DPYSL4: variants seen among roughly 807,000 people sequenced by gnomAD.
DPYSL4 encodes dihydropyrimidinase like 4.
DPYSL4 carries 43 observed loss-of-function variants against 63.4 expected under a neutral mutation model. The ratio of observed to expected loss-of-function variants is 0.68; its 90% CI spans 0.53 to 0.88. The LOEUF is 0.88. Among genes scored for constraint, DPYSL4 ranks in the 40% least tolerant of loss-of-function variants. The pLI is 0.00. For synonymous variants in DPYSL4, 353 were observed against 331.7 expected (o/e 1.06, Z -0.70); for missense variants, 733 against 819.5 (o/e 0.89, Z 1.29).
intron 11 of DPYSL4, among the ~76,000 whole-genome samples, 177 bp from the exon 12 acceptor site, chr10:132,202,469 A>T (rs529732756): frequency 6.6e-6 from 1 of 152,068 alleles, no homozygotes; most frequent in Non-Finnish European, 1.5e-5. Context: ...CCGTAGGCCG[A>T]GGGGGGGCAT....
intron 4 of DPYSL4, among the ~76,000 whole-genome samples, chr10:132,195,385 A>C (rs768791546): frequency 2.0e-4 from 31 of 152,226 alleles, no homozygotes; most frequent in Non-Finnish European, 1.2e-4. Flanking sequence ...CCAATGCTAA[A>C]ACAGATCAGT....
intron 1 of DPYSL4, among the ~76,000 whole-genome samples, chr10:132,188,687 C>T (rs2061835711): frequency 6.6e-6 from 1 of 152,252 alleles, no homozygotes; most frequent in Non-Finnish European, 1.5e-5. Context: ...CTGTTCCTGT[C>T]TCAGCTGCTT....
rs2061954773 is a variant in DPYSL4 at position 132,197,027 on chromosome 10, G to A, written c.547G>A (p.Glu183Lys). Residue 183 changes from glutamate to lysine, a missense_variant, in exon 6 of 14, where the codon GAG (glutamate) becomes AAG (lysine). Transcript: ENST00000338492. ...CCACCACTTCTCTTCCCAGATGTAC[G>A]AGATCTTCAGCATCATCCGGGACCT... ...RCQCSDSQMYEIFSIIRDLGA... is the reference protein window; with the variant it reads ...RCQCSDSQMYKIFSIIRDLGA... 10 of 1,606,664 alleles carry A rather than the reference G, an allele frequency of 6.2e-6. No individual in the cohort carries two copies. Among genetic ancestry groups the A allele is most frequent in the Non-Finnish European group, 7.7e-6 (9 of 1,176,018 alleles).
chr10:132,202,060 C>T lies in DPYSL4; in HGVS notation c.1225C>T (p.Leu409=), dbSNP rs1250832781. The change falls in exon 11 of 14, where the codon CTG becomes TTG. Residue 409 remains leucine, a synonymous_variant. Transcript: ENST00000338492. ...GRVAVGSDAD[L]VIWNPKATKI... The stretch of plus-strand genomic sequence containing the variant: ...AGTGGCTGTGGGCTCTGACGCTGAC[C>T]TGGTCATATGGAACCCCAAGGCCAC... The T allele has an allele frequency of 2.5e-6, 4 of 1,613,058 alleles. No individual in the cohort carries two copies. The highest frequency in any genetic ancestry group is 2.7e-5 in the African/African-American group (2 of 74,930).
chr10:132,195,859 G>A (rs753611335), intron 4 of DPYSL4, among the ~76,000 whole-genome samples: 5 of 152,330 alleles, frequency 3.3e-5, no homozygotes, highest in South Asian at 2.1e-4. Context: ...GTCTCAGAGC[G>A]GAGGTGGAAG....
Position 132,192,709 on chromosome 10 carries a change from C to T in DPYSL4, c.180C>T (p.Ala60=), listed in dbSNP as rs1245860298. The part of the protein sequence containing the change: ...IVPGGIKTID[A]HGLMVLPGGV... ...CTGGGGGCATCAAGACCATTGACGC[C>T]CACGGCCTGATGGTCCTTCCTGGTG... The change falls in exon 3 of 14, where the codon GCC becomes GCT. Residue 60 remains alanine (A), a synonymous_variant. Coordinates refer to ENST00000338492, the MANE Select transcript of DPYSL4 (RefSeq NM_006426.3). 1 of 1,613,396 alleles carries T rather than the reference C, an allele frequency of 6.2e-7. No individual in the cohort carries two copies. The highest frequency in any genetic ancestry group is 8.5e-7 in the Non-Finnish European group (1 of 1,179,924).
At position 132,200,910 on chromosome 10, in the gene DPYSL4, A is replaced by G. The variant is rs1590103744; in HGVS notation, c.1037A>G (p.Asp346Gly). Residue 346 changes from aspartate to glycine, a missense_variant, in exon 10 of 14, where the codon GAC becomes GGC. By Grantham distance (94) the Asp-to-Gly change is moderately conservative. Coordinates refer to ENST00000338492, the MANE Select transcript of DPYSL4 (RefSeq NM_006426.3). Reference sequence around the variant, plus strand: ...ACTGCCCAGAAGGCTGTGGGCAAGGACAACTTCGCGCTGATCCCCGAGGGC... The same window carrying G: ...ACTGCCCAGAAGGCTGTGGGCAAGGGCAACTTCGCGCTGATCCCCGAGGGC... Reference protein sequence around the residue: ...FTTAQKAVGKDNFALIPEGTN... With the variant: ...FTTAQKAVGKGNFALIPEGTN... 6.2e-7 allele frequency: 1 copy of G among 1,613,256 alleles called. No homozygotes were observed. The highest frequency in any genetic ancestry group is 1.7e-4 in the Middle Eastern group (1 of 6,060).
At chr10:132,188,043 C>T (rs532530184) in intron 1 of DPYSL4, among the ~76,000 whole-genome samples, 20 of 152,268 alleles carry the variant, frequency 1.3e-4, no homozygotes, top group Middle Eastern at 3.4e-3. Flanking sequence ...GGAAGGAGCC[C>T]TCCCCTCTCC....
rs2062060316 is a variant in DPYSL4 at position 132,204,036 on chromosome 10, C to G, written c.1627+109C>G. ...CCAGAGGGGCTGCACACGGAAGGCA[C>G]CCAGCTGGGGACTGGGGCAGGAGAT... On this transcript the variant is annotated intron_variant, in intron 13 of 13. Transcript: ENST00000338492. The G allele has an allele frequency of 2.5e-5, 35 of 1,391,198 alleles. No individual in the cohort carries two copies. In the South Asian group the frequency reaches 4.5e-4, roughly 18 times the overall value. The allele number at this position is 1,391,198 out of a possible 1,614,324, so 86.2% of individuals were successfully genotyped here. A position where few individuals can be genotyped will look rare whatever the true frequency, so the allele number is the denominator to read the frequency against.
Position 132,200,439 on chromosome 10 carries a change from G to T in DPYSL4, c.895G>T (p.Ala299Ser), listed in dbSNP as rs752301644. ...CTGGAGCAAGAACTGGGCCAAGGCC[G>T]CAGCCTTCGTCACATCACCCCCTGT... ...HYWSKNWAKA[A>S]AFVTSPPVNP... Residue 299 changes from alanine to serine, a missense_variant, in exon 9 of 14, where the codon GCA becomes TCA. Ala to Ser is a moderately conservative substitution (Grantham distance 99). Transcript: ENST00000338492. 6.8e-6 allele frequency: 11 copies of T among 1,613,564 alleles called. No homozygotes were observed. The highest frequency in any genetic ancestry group is 9.3e-6 in the Non-Finnish European group (11 of 1,179,928).
chr10:132,191,705 G>A lies in DPYSL4; in HGVS notation c.128+870G>A, dbSNP rs2493508. Among the ~76,000 whole-genome samples, 302 of 78,060 alleles carry A rather than the reference G, an allele frequency of 3.9e-3. 19 individuals are homozygous for A. The highest frequency in any genetic ancestry group is 8.9e-3 in the Admixed American group (58 of 6,498). 51.2% of individuals were successfully genotyped at this position (78,060 alleles called of 152,430 possible). On this transcript the variant is annotated intron_variant, in intron 2 of 13. Coordinates refer to ENST00000338492, the MANE Select transcript of DPYSL4 (RefSeq NM_006426.3). The stretch of plus-strand genomic sequence containing the variant: ...GTATGTTCCCAGCTCGTGTGTACAC[G>A]CTGGTCACGTGGTATCCAGGCAGGT...
chr10:132,199,733 C>T (rs1254569091), intron 8 of DPYSL4, among the ~76,000 whole-genome samples: 1 of 152,010 alleles, frequency 6.6e-6, no homozygotes, highest in East Asian at 1.9e-4. Flanking sequence ...TATGTGTTTC[C>T]TGCATCGAGG....
chr10:132,200,706 G>C lies in DPYSL4; in HGVS notation c.969-136G>C, dbSNP rs1285111570. 2.9e-6 allele frequency: 4 copies of C among 1,378,684 alleles called. No individual in the cohort carries two copies. The East Asian group carries it at 1.0e-4, about 34-fold the overall frequency. The allele number at this position is 1,378,684 out of a possible 1,614,324, so 85.4% of individuals were successfully genotyped here. On this transcript the variant is annotated intron_variant, in intron 9 of 13. Coordinates refer to ENST00000338492, the MANE Select transcript of DPYSL4 (RefSeq NM_006426.3). The stretch of plus-strand genomic sequence containing the variant: ...ACCAGTCCCCGCTCCCCTGCACAGA[G>C]GCACCAGCTCTGCCCAGCGAGAGCC...
At chr10:132,197,835 C>T (rs909755833) in intron 6 of DPYSL4, among the ~76,000 whole-genome samples, 6 of 152,192 alleles carry the variant, frequency 3.9e-5, no homozygotes, top group Admixed American at 3.3e-4. Flanking sequence ...GTGAGGGCAT[C>T]GGGGCATCAC....
At position 132,187,358 on chromosome 10, in the gene DPYSL4, CGGG is replaced by C. The variant is rs1565035147; in HGVS notation, c.39+257_39+259del. On this transcript the variant is annotated intron_variant, in intron 1 of 13. Transcript: ENST00000338492. ...CCGGCCCGGCCCTGCCCGGCCCTGC[CGGG>C]CCCTGCCGGGCCCTGCCCGGCCTTG... Among the ~76,000 whole-genome samples, 288 of 29,318 alleles carry C rather than the reference CGGG, an allele frequency of 9.8e-3. 1 individual carries two copies. The highest frequency in any genetic ancestry group is 0.096 in the East Asian group (10 of 104). The allele number at this position is 29,318 out of a possible 152,430, so 19.2% of individuals were successfully genotyped here. A position where few individuals can be genotyped will look rare whatever the true frequency, so the allele number is the denominator to read the frequency against.
At chr10:132,195,759 G>A (rs973377901) in intron 4 of DPYSL4, among the ~76,000 whole-genome samples, 11 of 152,230 alleles carry the variant, frequency 7.2e-5, no homozygotes, top group Admixed American at 6.5e-4. Flanking sequence ...GGTGGAGCCC[G>A]TCAATCCTCA....
chr10:132,198,258 T>A (rs2061969984), intron 6 of DPYSL4, among the ~76,000 whole-genome samples, 157 bp from the exon 7 acceptor site: 1 of 152,138 alleles, frequency 6.6e-6, no homozygotes, highest in South Asian at 2.1e-4. Context: ...TCCAAGCCCC[T>A]CTGCCCTCTA....
chr10:132,200,789 G>A, intron 9 of DPYSL4, 53 bp from the exon 10 acceptor site: 3 of 1,589,360 alleles, frequency 1.9e-6, no homozygotes, highest in East Asian at 2.2e-5. Context: ...GAGCTGACCT[G>A]GCCTCTGCCG....
At chr10:132,199,387 C>T (rs2061983549) in intron 8 of DPYSL4, among the ~76,000 whole-genome samples, 1 of 152,166 alleles carries the variant, frequency 6.6e-6, no homozygotes, top group Non-Finnish European at 1.5e-5. Context: ...CCTGGCACTG[C>T]AGAGAGCCTC....
Sources: allele counts gnomAD v4.1 joint callset (sites outside exome capture counted in the v4.1 genomes callset), GRCh38; gene constraint gnomAD v4.1.1; transcripts MANE v1.5; gene names NCBI Gene and HGNC (gene_info 2026-07-23, HGNC 2026-07-21).